The following TMEM108 variants were observed in gnomAD, a reference collection of about 807,000 sequenced individuals.
TMEM108 encodes the protein cancer/testis antigen 124.
Under a neutral mutation model 35.1 loss-of-function variants are expected in TMEM108, and 12 were observed. The observed-to-expected ratio is 0.34, with a 90% confidence interval of 0.22 to 0.55. TMEM108 has a LOEUF of 0.55. Among genes scored for constraint, TMEM108 ranks in the 20% least tolerant of loss-of-function variants. The pLI is 0.89. For synonymous variants in TMEM108, 287 were observed against 308.6 expected, an observed-to-expected ratio of 0.93 and a Z score of 0.73; for missense variants, 680 against 753.3, an observed-to-expected ratio of 0.90 and a Z score of 1.14.
intron 2 of TMEM108, among the ~76,000 whole-genome samples, chr3:133,175,807 A>G (rs1322112635): frequency 2.0e-5 from 3 of 152,238 alleles, no homozygotes; most frequent in African/African-American, 7.2e-5. Flanking sequence ...GACAGATCAA[A>G]TTCACACATA....
At chr3:133,056,325 G>A (rs1041961983) in intron 2 of TMEM108, among the ~76,000 whole-genome samples, 12 of 152,084 alleles carry the variant, frequency 7.9e-5, no homozygotes, top group East Asian at 1.9e-4. Flanking sequence ...TTCAGTGACC[G>A]CTTGGTAGCA....
At chr3:133,226,483 AT>A (rs1439495077) in intron 2 of TMEM108, among the ~76,000 whole-genome samples, 1 of 152,184 alleles carries the variant, frequency 6.6e-6, no homozygotes, top group Non-Finnish European at 1.5e-5. Flanking sequence ...TCAGGTTGGA[AT>A]TTGGTATCTT....
chr3:133,218,063 T>C (rs886881943), intron 2 of TMEM108, among the ~76,000 whole-genome samples: 4 of 152,086 alleles, frequency 2.6e-5, no homozygotes, highest in Non-Finnish European at 5.9e-5. Context: ...AGGATGTCTT[T>C]CCATTTATTT....
At chr3:133,106,265 A>G (rs970553559) in intron 2 of TMEM108, among the ~76,000 whole-genome samples, 2 of 136,686 alleles carry the variant, frequency 1.5e-5, no homozygotes, top group Non-Finnish European at 3.0e-5. Context: ...TGTACTTTCT[A>G]TACTGGATTT....
chr3:133,111,810 T>C (rs1392693544), intron 2 of TMEM108, among the ~76,000 whole-genome samples: 2 of 152,174 alleles, frequency 1.3e-5, no homozygotes, highest in Non-Finnish European at 2.9e-5. Context: ...TAAAGACTTG[T>C]ACTAGGTTCC....
chr3:133,144,168 T>G (rs1005106598), intron 2 of TMEM108, among the ~76,000 whole-genome samples: 1 of 151,962 alleles, frequency 6.6e-6, no homozygotes, highest in African/African-American at 2.4e-5. Context: ...TTCCCCTCCC[T>G]GTGTCCATGT....
At chr3:133,221,571 T>C (rs1403610391) in intron 2 of TMEM108, among the ~76,000 whole-genome samples, 2 of 152,140 alleles carry the variant, frequency 1.3e-5, no homozygotes, top group African/African-American at 2.4e-5. Context: ...GGTTGTTTTG[T>C]AGATCCTTTG....
At chr3:133,197,701 T>G (rs1945599348) in intron 2 of TMEM108, among the ~76,000 whole-genome samples, 1 of 149,830 alleles carries the variant, frequency 6.7e-6, no homozygotes, top group Non-Finnish European at 1.5e-5. Flanking sequence ...TCCAGCATGA[T>G]ATGAGTTGAA....
intron 2 of TMEM108, among the ~76,000 whole-genome samples, chr3:133,113,966 T>C (rs1398954414): frequency 6.6e-6 from 1 of 152,062 alleles, no homozygotes; most frequent in African/African-American, 2.4e-5. Flanking sequence ...TTAGGTCCAC[T>C]TTGGGAAAAA....
chr3:133,074,985 A>G (rs1237278923), intron 2 of TMEM108, among the ~76,000 whole-genome samples: 1 of 152,146 alleles, frequency 6.6e-6, no homozygotes, highest in Non-Finnish European at 1.5e-5. Context: ...TGTTGTATTC[A>G]TGTGTTATAA....
At chr3:133,358,668 T>C (rs1277291465) in intron 3 of TMEM108, among the ~76,000 whole-genome samples, 2 of 152,158 alleles carry the variant, frequency 1.3e-5, no homozygotes, top group African/African-American at 2.4e-5. Context: ...TGAGCAGTTA[T>C]TCATTCTGCT....
intron 3 of TMEM108, among the ~76,000 whole-genome samples, chr3:133,230,330 G>A (rs920808351): frequency 2.6e-5 from 4 of 152,126 alleles, no homozygotes; most frequent in Non-Finnish European, 2.9e-5. Context: ...CATTCTGGCC[G>A]GGCGTTTTAA....
chr3:133,212,852 G>C (rs949735597), intron 2 of TMEM108, among the ~76,000 whole-genome samples: 1 of 138,210 alleles, frequency 7.2e-6, no homozygotes, highest in Admixed American at 7.6e-5. Flanking sequence ...GAGTGACAGA[G>C]GGAGACTCTG....
At chr3:133,384,359 C>T (rs908812835) in intron 4 of TMEM108, among the ~76,000 whole-genome samples, 3 of 152,210 alleles carry the variant, frequency 2.0e-5, no homozygotes, top group East Asian at 1.9e-4. Flanking sequence ...TGCTGGGCAG[C>T]GGTGATCCTC....
At chr3:133,371,099 C>T (rs567547919) in intron 3 of TMEM108, among the ~76,000 whole-genome samples, 1 of 152,228 alleles carries the variant, frequency 6.6e-6, no homozygotes, top group East Asian at 1.9e-4. Flanking sequence ...TAAAATCAGC[C>T]CGTTGAGCTC....
rs537122894 is a variant in TMEM108, at chr3:133,153,252, G to C, written c.-46-76014G>C. ...AAATGCCTTAAATTTCTTTGGAGCA[G>C]ATAGACTCCAAAGTCCCTTCCAGCC... On this transcript the variant is annotated intron_variant, in intron 2 of 5. Coordinates refer to ENST00000321871, the MANE Select transcript of TMEM108 (RefSeq NM_023943.4). 3.3e-5 allele frequency among the ~76,000 whole-genome samples: 5 copies of C among 152,084 alleles called. No individual in the cohort carries two copies. The South Asian group carries it at 1.0e-3, about 32-fold the overall frequency.
chr3:133,071,484 C>G (rs2107689755), intron 2 of TMEM108, among the ~76,000 whole-genome samples: 1 of 152,292 alleles, frequency 6.6e-6, no homozygotes, highest in South Asian at 2.1e-4. Context: ...CAAATATAAT[C>G]ACATTCTGAG....
In TMEM108 at chr3:133,182,852, C is replaced by G. The variant is rs375424433; in HGVS notation, c.-46-46414C>G. Among the ~76,000 whole-genome samples, 6 of 152,300 alleles carry G rather than the reference C, an allele frequency of 3.9e-5. No homozygotes were observed. In the East Asian group the frequency reaches 1.2e-3, roughly 29 times the overall value. On this transcript the variant is annotated intron_variant, in intron 2 of 5. Transcript: ENST00000321871. ...CTCAGTTTTTCCTCTCTGGTGCCAG[C>G]ATTCTCACTGTACTGTCCAGTCCAG...
intron 2 of TMEM108, among the ~76,000 whole-genome samples, chr3:133,101,880 CAG>C (rs1944092371): frequency 1.3e-5 from 2 of 152,160 alleles, no homozygotes; most frequent in South Asian, 2.1e-4. Context: ...TTCTTTTAAA[CAG>C]AGTGAATACA....
Sources: gnomAD v4.1 joint callset for allele counts (sites outside exome capture counted in the v4.1 genomes callset) on GRCh38, gnomAD v4.1.1 for gene constraint, MANE v1.5 for transcripts, NCBI Gene and HGNC (gene_info 2026-07-23, HGNC 2026-07-21) for gene names.